Variants in REEP1 observed in about 807,000 individuals in gnomAD.
The protein encoded by REEP1 is receptor accessory protein 1.
A neutral mutation model predicts 40.3 loss-of-function variants in REEP1; 22 were observed. The observed-to-expected ratio is 0.55, with a 90% CI of 0.39 to 0.78. REEP1 has a LOEUF of 0.78. Among genes scored for constraint, REEP1 ranks in the 30% least tolerant of loss-of-function variants. The pLI, the probability that REEP1 is intolerant of heterozygous loss-of-function variation, is 0.00. For synonymous variants in REEP1, 116 were observed against 139.2 expected (o/e 0.83, Z 1.17); for missense variants, 280 against 361.1 (o/e 0.78, Z 1.82).
intron 1 of REEP1, among the ~76,000 whole-genome samples, chr2:86,327,471 C>T (rs1395716143): frequency 2.0e-5 from 3 of 152,006 alleles, no homozygotes. Context: ...AGGAGCCAGA[C>T]CTTGGTGAGT....
chr2:86,269,866 C>A (rs1462919434), intron 2 of REEP1, among the ~76,000 whole-genome samples: 1 of 151,402 alleles, frequency 6.6e-6, no homozygotes, highest in Non-Finnish European at 1.5e-5. Context: ...TAAAACTCAA[C>A]AATAAGAAAA....
intron 2 of REEP1, among the ~76,000 whole-genome samples, chr2:86,272,278 C>T (rs1471150844): frequency 1.3e-5 from 2 of 152,204 alleles, no homozygotes; most frequent in Non-Finnish European, 2.9e-5. Context: ...CAAACTTCTC[C>T]AGTGAGTCAT....
chr2:86,227,266 C>T (rs1674758006), intron 7 of REEP1, 97 bp downstream of exon 7: 1 of 1,018,676 alleles, frequency 9.8e-7, no homozygotes. Context: ...GACCATGCAG[C>T]TGAAAGGGAG....
chr2:86,230,463 G>A (rs13422106), intron 6 of REEP1, among the ~76,000 whole-genome samples: 9,793 of 152,240 alleles, frequency 0.064, 1,032 homozygotes, highest in African/African-American at 0.22. Flanking sequence ...GCAAAGGGAC[G>A]CCAGGGCCAC....
intron 4 of REEP1, among the ~76,000 whole-genome samples, chr2:86,253,548 C>A (rs569755175): frequency 6.6e-6 from 1 of 152,120 alleles, no homozygotes; most frequent in Non-Finnish European, 1.5e-5. Flanking sequence ...GAGTCAGTCA[C>A]CTTCACTTCA....
At chr2:86,245,945 T>C (rs1302333266) in intron 5 of REEP1, among the ~76,000 whole-genome samples, 3 of 152,062 alleles carry the variant, frequency 2.0e-5, no homozygotes, top group Admixed American at 6.6e-5. Flanking sequence ...TTTGTATTTT[T>C]AGTAGAGACG....
chr2:86,328,090 A>C (rs1364046720), intron 1 of REEP1, among the ~76,000 whole-genome samples: 1 of 152,118 alleles, frequency 6.6e-6, no homozygotes, highest in Non-Finnish European at 1.5e-5. Flanking sequence ...GTGTGCACAG[A>C]TCCTGCTGGA....
intron 8 of REEP1, 35 bp downstream of exon 8, chr2:86,219,935 A>T: frequency 1.6e-6 from 2 of 1,231,606 alleles, no homozygotes; most frequent in Non-Finnish European, 2.0e-6. Context: ...CTTTGGACAA[A>T]CACACTCCAA....
At chr2:86,316,278 C>T (rs891712776) in intron 1 of REEP1, among the ~76,000 whole-genome samples, 10 of 152,140 alleles carry the variant, frequency 6.6e-5, no homozygotes, top group African/African-American at 2.4e-4. Flanking sequence ...GTGGTTCACG[C>T]CTGTAATCCT....
intron 2 of REEP1, among the ~76,000 whole-genome samples, chr2:86,280,557 AG>A (rs1334201290): frequency 2.0e-5 from 3 of 152,194 alleles, no homozygotes; most frequent in Non-Finnish European, 4.4e-5. Context: ...TGGGAGAGGG[AG>A]GGCTAGGAGA....
chr2:86,288,183 T>C (rs969877599), intron 1 of REEP1, among the ~76,000 whole-genome samples: 6 of 151,734 alleles, frequency 4.0e-5, no homozygotes, highest in African/African-American at 1.5e-4. Flanking sequence ...CCACCATGCC[T>C]GGCTAATATT....
intron 2 of REEP1, among the ~76,000 whole-genome samples, chr2:86,267,920 G>C (rs1246011263): frequency 1.3e-5 from 2 of 149,362 alleles, no homozygotes; most frequent in Non-Finnish European, 3.0e-5. Context: ...AACTGAATCA[G>C]TAATGAAAAA....
At chr2:86,300,277 C>T (rs1021997174) in intron 1 of REEP1, among the ~76,000 whole-genome samples, 3 of 152,190 alleles carry the variant, frequency 2.0e-5, no homozygotes, top group African/African-American at 7.2e-5. Context: ...TTCCCATCGA[C>T]AGGTCCTGCC....
At chr2:86,231,051 T>C (rs1356236209) in intron 6 of REEP1, among the ~76,000 whole-genome samples, 2 of 152,202 alleles carry the variant, frequency 1.3e-5, no homozygotes, top group Non-Finnish European at 2.9e-5. Context: ...GGATGGTTGA[T>C]GAGTGAGTGA....
chr2:86,245,812 T>G (rs1675910205), intron 5 of REEP1, among the ~76,000 whole-genome samples: 1 of 151,490 alleles, frequency 6.6e-6, no homozygotes, highest in Admixed American at 6.6e-5. Flanking sequence ...TCTCCCAGGC[T>G]GGAGTGCAGT....
chr2:86,240,864 T>C (rs755569479), intron 5 of REEP1, among the ~76,000 whole-genome samples: 7 of 152,262 alleles, frequency 4.6e-5, no homozygotes, highest in Non-Finnish European at 1.0e-4. Flanking sequence ...CGGTATTTTC[T>C]AGTCTCCTTT....
At chr2:86,264,115 G>T in intron 2 of REEP1, 74 bp from the exon 3 acceptor site, 1 of 1,158,324 alleles carries the variant, frequency 8.6e-7, no homozygotes. Flanking sequence ...GGAAGAACAG[G>T]CCCCGGCGGC....
chr2:86,219,331 A>G (rs79993080), intron 8 of REEP1, among the ~76,000 whole-genome samples: 1,939 of 152,236 alleles, frequency 0.013, 45 homozygotes, highest in African/African-American at 0.044. Context: ...CAAAACAGTC[A>G]ATTTGGGTTG....
At chr2:86,298,948 G>A (rs1679131792) in intron 1 of REEP1, among the ~76,000 whole-genome samples, 1 of 152,122 alleles carries the variant, frequency 6.6e-6, no homozygotes, top group South Asian at 2.1e-4. Flanking sequence ...CAGGAAAACG[G>A]GTGTGTTTTC....
Sources: allele counts gnomAD v4.1 joint callset (sites outside exome capture counted in the v4.1 genomes callset), GRCh38; gene constraint gnomAD v4.1.1; transcripts MANE v1.5; gene names NCBI Gene and HGNC (gene_info 2026-07-23, HGNC 2026-07-21).